NRXN1: variants seen among roughly 807,000 people sequenced by gnomAD.
The protein encoded by NRXN1 is neurexin 1.
NRXN1 carries 39 observed loss-of-function variants against 150.9 expected under a neutral mutation model. The ratio of observed to expected loss-of-function variants is 0.26; its 90% CI spans 0.20 to 0.34. The LOEUF (loss-of-function observed/expected upper bound fraction) is 0.34. Among genes scored for constraint, NRXN1 ranks in the 10% least tolerant of loss-of-function variants. NRXN1 has a pLI of 1.00. For synonymous variants in NRXN1, 924 were observed against 757.0 expected (o/e 1.22, Z -3.62); for missense variants, 1,815 against 1,949.9 (o/e 0.93, Z 1.30).
intron 5 of NRXN1, among the ~76,000 whole-genome samples, chr2:50,674,034 A>AC (rs1262524612): frequency 1.3e-5 from 2 of 152,092 alleles, no homozygotes; most frequent in Admixed American, 6.6e-5. Context: ...CCACCATGGC[A>AC]CGTGTATACC....
intron 17 of NRXN1, among the ~76,000 whole-genome samples, chr2:50,350,647 G>A (rs1433234711): frequency 6.6e-6 from 1 of 152,142 alleles, no homozygotes; most frequent in Non-Finnish European, 1.5e-5. Flanking sequence ...ATTTGTATAA[G>A]GAAAAGCCAT....
chr2:50,487,576 G>C (rs1247304579), intron 15 of NRXN1, among the ~76,000 whole-genome samples: 1 of 152,136 alleles, frequency 6.6e-6, no homozygotes, highest in African/African-American at 2.4e-5. Context: ...TTTCTACCGT[G>C]GGAGCAGCAA....
At chr2:50,102,663 G>C (rs904325996) in intron 18 of NRXN1, among the ~76,000 whole-genome samples, 2 of 151,996 alleles carry the variant, frequency 1.3e-5, no homozygotes, top group Admixed American at 6.6e-5. Context: ...AGCATGAGAG[G>C]AACTGAATAA....
chr2:50,075,899 G>A (rs530919854), intron 19 of NRXN1, among the ~76,000 whole-genome samples: 3 of 152,038 alleles, frequency 2.0e-5, no homozygotes, highest in African/African-American at 2.4e-5. Flanking sequence ...CATCCCCTCC[G>A]CTGGGACTCT....
intron 5 of NRXN1, among the ~76,000 whole-genome samples, chr2:50,670,824 A>G (rs1476710308): frequency 6.6e-6 from 1 of 151,910 alleles, no homozygotes; most frequent in Non-Finnish European, 1.5e-5. Flanking sequence ...GCATTTATTT[A>G]AAGAATATTC....
intron 2 of NRXN1, among the ~76,000 whole-genome samples, chr2:50,981,444 A>G (rs1398905283): frequency 7.1e-6 from 1 of 141,414 alleles, no homozygotes; most frequent in Non-Finnish European, 1.5e-5. Flanking sequence ...GGTGACAGAT[A>G]GAAACTCTAT....
At chr2:50,146,613 G>A (rs1416180007) in intron 18 of NRXN1, among the ~76,000 whole-genome samples, 3 of 151,594 alleles carry the variant, frequency 2.0e-5, no homozygotes, top group Non-Finnish European at 4.4e-5. Flanking sequence ...AACAAACAAT[G>A]AGGCTTTCAA....
At chr2:50,652,666 C>T (rs143622331) in intron 5 of NRXN1, among the ~76,000 whole-genome samples, 3 of 152,098 alleles carry the variant, frequency 2.0e-5, no homozygotes, top group East Asian at 1.9e-4. Flanking sequence ...CATCTGTGAA[C>T]GAATTTTTGT....
At chr2:50,242,133 TCAGTGAAAGTTTA>T (rs1302579725) in intron 17 of NRXN1, among the ~76,000 whole-genome samples, 1 of 151,748 alleles carries the variant, frequency 6.6e-6, no homozygotes, top group Non-Finnish European at 1.5e-5. Flanking sequence ...AACACTTCCT[TCAGTGAAAGTTTA>T]CAGTGAAAGC....
intron 17 of NRXN1, among the ~76,000 whole-genome samples, chr2:50,446,783 T>C (rs2086452895): frequency 6.6e-6 from 1 of 152,068 alleles, no homozygotes; most frequent in Non-Finnish European, 1.5e-5. Context: ...TTCTACTTGT[T>C]CTATATTTTA....
intron 21 of NRXN1, among the ~76,000 whole-genome samples, chr2:49,947,522 T>C (rs1400907002): frequency 4.1e-5 from 6 of 145,338 alleles, no homozygotes; most frequent in African/African-American, 1.5e-4. Flanking sequence ...TTCTTTTTTT[T>C]TTTTTTTTTG....
chr2:50,386,073 T>A (rs1381578470), intron 17 of NRXN1, among the ~76,000 whole-genome samples: 1 of 151,984 alleles, frequency 6.6e-6, no homozygotes, highest in Non-Finnish European at 1.5e-5. Flanking sequence ...GATCTCTACA[T>A]AAAGTTTTTC....
At chr2:50,849,194 A>T (rs1674139754) in intron 5 of NRXN1, among the ~76,000 whole-genome samples, 1 of 152,216 alleles carries the variant, frequency 6.6e-6, no homozygotes. Context: ...GTGGGCAAGA[A>T]GGTCTTAACC....
chr2:50,928,622 C>T (rs1238952958), intron 2 of NRXN1, among the ~76,000 whole-genome samples: 3 of 151,792 alleles, frequency 2.0e-5, no homozygotes, highest in East Asian at 3.9e-4. Context: ...TTTTCTTTAT[C>T]TTTGTAAATT....
In NRXN1 at chr2:50,461,039, C is replaced by T. The variant is rs576131674; in HGVS notation, c.3364+4403G>A. Among the ~76,000 whole-genome samples, 7 of 152,120 alleles carry T rather than the reference C, an allele frequency of 4.6e-5. 1 individual carries two copies. The South Asian group carries it at 1.4e-3, about 31-fold the overall frequency. On this transcript the variant is annotated intron_variant, in intron 17 of 22. Coordinates refer to ENST00000401669, the MANE Select transcript of NRXN1 (RefSeq NM_001330078.2). ...GTTTTTAAAAATATATGTTATGATT[C>T]ACTTCCATTAGTTCATATATTGATG...
intron 21 of NRXN1, among the ~76,000 whole-genome samples, chr2:49,964,611 A>G (rs771482154): frequency 1.8e-4 from 27 of 151,204 alleles, no homozygotes; most frequent in Non-Finnish European, 3.0e-5. Flanking sequence ...AGGCTAAGGC[A>G]GGTGGATTGC....
intron 5 of NRXN1, among the ~76,000 whole-genome samples, chr2:50,714,887 A>T (rs927633246): frequency 6.6e-6 from 1 of 152,166 alleles, no homozygotes; most frequent in Non-Finnish European, 1.5e-5. Context: ...GTATATTTAC[A>T]GCACAGATAC....
At chr2:50,753,786 T>C (rs1008857472) in intron 5 of NRXN1, among the ~76,000 whole-genome samples, 19 of 151,872 alleles carry the variant, frequency 1.3e-4, no homozygotes, top group Admixed American at 7.9e-4. Flanking sequence ...TCATGTTCTA[T>C]GTAGCCTGAC....
chr2:50,847,526 C>T (rs1673841166), intron 5 of NRXN1, among the ~76,000 whole-genome samples: 1 of 152,106 alleles, frequency 6.6e-6, no homozygotes, highest in African/African-American at 2.4e-5. Context: ...TAGGGCTCCA[C>T]CCCCACGGAC....
Sources: allele counts gnomAD v4.1 joint callset (sites outside exome capture counted in the v4.1 genomes callset), GRCh38; gene constraint gnomAD v4.1.1; transcripts MANE v1.5; gene names NCBI Gene and HGNC (gene_info 2026-07-23, HGNC 2026-07-21).